The following CLEC1A variants were observed in gnomAD, a reference collection of about 807,000 sequenced individuals.
The protein encoded by CLEC1A is C-type lectin-like receptor-1.
Under a neutral mutation model 28.7 loss-of-function variants are expected in CLEC1A, and 34 were observed. The observed-to-expected ratio is 1.18, with a 90% CI of 0.90 to 1.57. The LOEUF (loss-of-function observed/expected upper bound fraction) is 1.57. Among genes scored for constraint, CLEC1A ranks in the 40% most tolerant of loss-of-function variants. The pLI, the probability that CLEC1A is intolerant of heterozygous loss-of-function variation, is 0.00. For missense variants in CLEC1A, 385 were observed against 339.5 expected (o/e 1.13, Z -1.05); for synonymous variants, 116 against 121.0 (o/e 0.96, Z 0.27).
At chr12:10,084,804 A>G (rs533436025) in intron 2 of CLEC1A, among the ~76,000 whole-genome samples, 1 of 130,652 alleles carries the variant, frequency 7.7e-6, no homozygotes, top group South Asian at 2.5e-4. Context: ...CCTAGGCGAC[A>G]GAGTGAGACT....
At chr12:10,089,024 T>C (rs528207658) in intron 2 of CLEC1A, 100 bp downstream of exon 2, 55 of 872,238 alleles carry the variant, frequency 6.3e-5, no homozygotes, top group South Asian at 3.0e-4. Context: ...TTCCAAAGGC[T>C]AAGGAATTAA....
chr12:10,071,545 A>G (rs769029658), intron 5 of CLEC1A, 32 bp from the exon 6 acceptor site: 2 of 1,497,338 alleles, frequency 1.3e-6, no homozygotes, highest in South Asian at 2.5e-5. Context: ...AAATTCAATC[A>G]CGGTTTATTT....
chr12:10,071,363 G>C lies in CLEC1A; in HGVS notation c.813C>G (p.Val271=). ...AGMVKPESLH[V]PPETLGEGD is the part of the protein sequence containing the mutation. The stretch of plus-strand genomic sequence containing the variant: ...CACCTTCGCCTAATGTTTCAGGGGG[G>C]ACATGGAGGCTCTCTGGCTTCACCA... Residue 271 remains valine, a synonymous_variant, in exon 6 of 6, where the codon GTC becomes GTG. Transcript: ENST00000315330. The C allele has an allele frequency of 1.2e-6, 2 of 1,613,744 alleles. No individual in the cohort carries two copies. Among genetic ancestry groups the C allele is most frequent in the South Asian group, 1.1e-5 (1 of 91,034 alleles).
chr12:10,077,520 A>G (rs1157774213), intron 3 of CLEC1A, among the ~76,000 whole-genome samples: 1 of 152,178 alleles, frequency 6.6e-6, no homozygotes, highest in Non-Finnish European at 1.5e-5. Flanking sequence ...TGTTTTGTCC[A>G]TGGCATATAC....
intron 1 of CLEC1A, among the ~76,000 whole-genome samples, chr12:10,092,927 C>G (rs1947725706): frequency 6.6e-6 from 1 of 152,104 alleles, no homozygotes; most frequent in Admixed American, 6.5e-5. Flanking sequence ...CTCGCTTTCT[C>G]TCTCTCTCTT....
chr12:10,076,102 A>G (rs1866246780), intron 3 of CLEC1A, among the ~76,000 whole-genome samples: 1 of 152,240 alleles, frequency 6.6e-6, no homozygotes, highest in South Asian at 2.1e-4. Flanking sequence ...TATGATGTGG[A>G]GTCTTTTTAA....
At chr12:10,083,493 G>C (rs979103269) in intron 2 of CLEC1A, among the ~76,000 whole-genome samples, 3 of 152,176 alleles carry the variant, frequency 2.0e-5, no homozygotes, top group Non-Finnish European at 4.4e-5. Context: ...TTTTGAGACA[G>C]AATCTCACTC....
In CLEC1A at chr12:10,071,445, A is replaced by T. The variant is rs763327379; in HGVS notation, c.731T>A (p.Ile244Asn). The T allele has an allele frequency of 1.2e-6, 2 of 1,613,806 alleles. No homozygotes were observed. Reference protein sequence around the residue: ...RDCVAILNGMIFSKDCKELKR... With the variant: ...RDCVAILNGMNFSKDCKELKR... ...CAATTCTTTGCAGTCCTTTGAGAAG[A>T]TCATCCCATTAAGGATGGCCACACA... The change falls in exon 6 of 6, where the codon ATC (isoleucine) becomes AAC (asparagine). Residue 244 changes from isoleucine to asparagine, a missense_variant. Ile to Asn is a moderately radical substitution (Grantham distance 149). Transcript: ENST00000315330.
At position 10,083,164 on chromosome 12, in the gene CLEC1A, G is replaced by T. The variant is rs143918869; in HGVS notation, c.215-1751C>A. 1.8e-3 allele frequency among the ~76,000 whole-genome samples: 280 copies of T among 152,290 alleles called. 3 individuals are homozygous for T. The highest frequency in any genetic ancestry group is 6.6e-3 in the African/African-American group (274 of 41,560). On this transcript the variant is annotated intron_variant, in intron 2 of 5. Transcript: ENST00000315330. ...AGCCCTAGACCTAGGGGAAGGGGGA[G>T]AGCACAACATCAAGGGATCACCCCA...
intron 1 of CLEC1A, among the ~76,000 whole-genome samples, chr12:10,095,215 C>G (rs185326069): frequency 6.6e-5 from 10 of 152,108 alleles, no homozygotes; most frequent in Non-Finnish European, 1.2e-4. Context: ...GGAAATAAAA[C>G]TAAAACGCTG....
At chr12:10,076,571 G>T (rs1340160014) in intron 3 of CLEC1A, among the ~76,000 whole-genome samples, 1 of 152,164 alleles carries the variant, frequency 6.6e-6, no homozygotes, top group African/African-American at 2.4e-5. Context: ...CTCTCAGACA[G>T]GTCGGCTTGC....
At position 10,071,514 on chromosome 12, in the gene CLEC1A, C is replaced by G. The variant is rs1565597146; in HGVS notation, c.663-1G>C. 4 of 1,573,778 alleles carry G rather than the reference C, an allele frequency of 2.5e-6. No homozygotes were observed. On this transcript the variant is annotated splice_acceptor_variant, in intron 5 of 5. Coordinates refer to ENST00000315330, the MANE Select transcript of CLEC1A (RefSeq NM_016511.4). LOFTEE classifies it high-confidence loss of function. ...GGTGACATCTATTATAATATGGAAC[C>G]TTAAGAAAGGAAGAAAAAGTAAATT...
chr12:10,076,719 T>TA (rs1167100871), intron 3 of CLEC1A, among the ~76,000 whole-genome samples: 3 of 152,132 alleles, frequency 2.0e-5, no homozygotes, highest in Non-Finnish European at 2.9e-5. Flanking sequence ...AGTAAATACG[T>TA]AAAAAACAGA....
intron 1 of CLEC1A, among the ~76,000 whole-genome samples, chr12:10,097,623 C>T (rs2137379530): frequency 6.6e-6 from 1 of 152,298 alleles, no homozygotes; most frequent in Admixed American, 6.5e-5. Flanking sequence ...CTCCACCCTT[C>T]AACCTCAGCA....
chr12:10,097,782 G>A (rs1591926201), intron 1 of CLEC1A, among the ~76,000 whole-genome samples: 2 of 152,176 alleles, frequency 1.3e-5, no homozygotes, highest in East Asian at 3.9e-4. Context: ...TTTTTTTGGA[G>A]GAAAACGCTT....
intron 4 of CLEC1A, among the ~76,000 whole-genome samples, chr12:10,074,362 T>G (rs1866205438): frequency 6.6e-6 from 1 of 152,100 alleles, no homozygotes; most frequent in African/African-American, 2.4e-5. Flanking sequence ...AGTGAACAGG[T>G]GAAAATAACT....
chr12:10,072,008 T>C (rs796605146), intron 5 of CLEC1A, among the ~76,000 whole-genome samples: 48 of 152,300 alleles, frequency 3.2e-4, no homozygotes, highest in African/African-American at 1.1e-3. Context: ...TTCCAAATCT[T>C]AGTTGAAATG....
chr12:10,085,205 A>G (rs1317316249), intron 2 of CLEC1A, among the ~76,000 whole-genome samples: 5 of 127,840 alleles, frequency 3.9e-5, no homozygotes, highest in Admixed American at 7.2e-5. Flanking sequence ...TAACACACAC[A>G]CACACACACA....
At chr12:10,096,551 T>C (rs1947778965) in intron 1 of CLEC1A, among the ~76,000 whole-genome samples, 1 of 152,060 alleles carries the variant, frequency 6.6e-6, no homozygotes, top group African/African-American at 2.4e-5. Context: ...AAATTTTGTT[T>C]CTCCCTATCT....
Sources: allele counts gnomAD v4.1 joint callset (sites outside exome capture counted in the v4.1 genomes callset), GRCh38; gene constraint gnomAD v4.1.1; transcripts MANE v1.5; gene names NCBI Gene and HGNC (gene_info 2026-07-23, HGNC 2026-07-21).